ELP6: variants seen among roughly 807,000 people sequenced by gnomAD.
ELP6 encodes the protein elongator acetyltransferase complex subunit 6, also known as elongator complex protein 6.
In ELP6, 23 loss-of-function variants were observed where a neutral mutation model predicts 28.1. The ratio of observed to expected loss-of-function variants is 0.82; its 90% confidence interval spans 0.59 to 1.16. The LOEUF (loss-of-function observed/expected upper bound fraction) is 1.16. Among genes scored for constraint, ELP6 ranks in the 50% most tolerant of loss-of-function variants. The pLI, the probability that ELP6 is intolerant of heterozygous loss-of-function variation, is 0.00. For synonymous variants in ELP6, 132 were observed against 135.8 expected (o/e 0.97, Z 0.19); for missense variants, 313 against 334.6 (o/e 0.94, Z 0.50).
chr3:47,511,208 A>G lies in ELP6; in HGVS notation c.73T>C (p.Cys25Arg), dbSNP rs201970071. 1 of 1,614,164 alleles carries G rather than the reference A, an allele frequency of 6.2e-7. No individual in the cohort carries two copies. The highest frequency in any genetic ancestry group is 2.2e-5 in the East Asian group (1 of 44,884). The change falls in exon 2 of 7, where the codon TGT becomes CGT. Residue 25 changes from cysteine to arginine, a missense_variant. By Grantham distance (180) the Cys-to-Arg change is radical. Transcript: ENST00000296149. Reference sequence around the variant, plus strand: ...AAACTCCCATCTGTCTTGGCATCACAGAGTAGAGTCAGTTTCCCCTAAAAG... The same window carrying G: ...AAACTCCCATCTGTCTTGGCATCACGGAGTAGAGTCAGTTTCCCCTAAAAG... ...RAEQGKLTLL[C>R]DAKTDGSFLV...
At chr3:47,501,461 T>G in intron 5 of ELP6, 189 bp downstream of exon 5, 1 of 607,164 alleles carries the variant, frequency 1.6e-6, no homozygotes, top group Non-Finnish European at 2.9e-6. Flanking sequence ...TCCCTTTATT[T>G]TGGGGGGCTT....
rs530924142 is a variant in ELP6, at chr3:47,505,409, C to CT, written c.205-962dup. 1.2e-4 allele frequency among the ~76,000 whole-genome samples: 18 copies of CT among 151,708 alleles called. No individual in the cohort carries two copies. In the East Asian group the frequency reaches 3.1e-3, roughly 26 times the overall value. ...TTGTCACTGACTTGAAGCTCAATAA[C>CT]TTTTTTTGTTTTTGAGACAGTCTCT... On this transcript the variant is annotated intron_variant, in intron 3 of 6. Coordinates refer to ENST00000296149, the MANE Select transcript of ELP6 (RefSeq NM_001031703.3).
intron 1 of ELP6, chr3:47,512,151 T>A (rs1430020891): frequency 1.3e-5 from 11 of 836,584 alleles, no homozygotes; most frequent in Non-Finnish European, 1.6e-5. Context: ...AAAGCTACAA[T>A]TTGGCGCTAT....
chr3:47,502,044 C>G (rs928949525), intron 4 of ELP6, among the ~76,000 whole-genome samples, 193 bp from the exon 5 acceptor site: 1 of 152,042 alleles, frequency 6.6e-6, no homozygotes, highest in Non-Finnish European at 1.5e-5. Context: ...TTTCCTGAGG[C>G]CTACTAGGTA....
chr3:47,512,806 G>A, intron 1 of ELP6: 2 of 943,188 alleles, frequency 2.1e-6, no homozygotes, highest in Non-Finnish European at 2.5e-6. Flanking sequence ...GCTCCGGGGC[G>A]AGGTGGCGGT....
chr3:47,503,173 A>G (rs1429964555), intron 4 of ELP6: 1 of 1,151,678 alleles, frequency 8.7e-7, no homozygotes, highest in Admixed American at 4.2e-5. Context: ...GGAAACCCCA[A>G]GTCAGAGATG....
At chr3:47,505,412 T>C (rs972371949) in intron 3 of ELP6, among the ~76,000 whole-genome samples, 1 of 152,130 alleles carries the variant, frequency 6.6e-6, no homozygotes, top group Non-Finnish European at 1.5e-5. Flanking sequence ...TCAATAACTT[T>C]TTTTGTTTTT....
intron 2 of ELP6, 66 bp downstream of exon 2, chr3:47,511,082 T>A (rs1170586474): frequency 7.3e-7 from 1 of 1,368,216 alleles, no homozygotes; most frequent in African/African-American, 1.4e-5. Flanking sequence ...CCTTAAATAG[T>A]TTTGGTTTTT....
intron 3 of ELP6, among the ~76,000 whole-genome samples, chr3:47,506,242 C>A (rs1311398324): frequency 2.0e-5 from 3 of 152,156 alleles, no homozygotes; most frequent in Non-Finnish European, 4.4e-5. Context: ...CAAATGGAGG[C>A]AGGGCGAGAT....
At chr3:47,510,950 C>G (rs1174170089) in intron 2 of ELP6, among the ~76,000 whole-genome samples, 198 bp downstream of exon 2, 1 of 152,172 alleles carries the variant, frequency 6.6e-6, no homozygotes, top group Admixed American at 6.6e-5. Flanking sequence ...ACAGTGAGCA[C>G]ATGCCACTCT....
At chr3:47,501,612 G>GTCA in intron 5 of ELP6, 38 bp downstream of exon 5, 1 of 1,597,720 alleles carries the variant, frequency 6.3e-7, no homozygotes. Context: ...GTTCTTGGAG[G>GTCA]TCACAGGTGG....
intron 6 of ELP6, chr3:47,496,630 G>A: frequency 4.8e-6 from 3 of 624,320 alleles, no homozygotes; most frequent in Non-Finnish European, 6.0e-6. Context: ...CAAGTAGCTG[G>A]ATTATGGGTG....
intron 2 of ELP6, 149 bp from the exon 3 acceptor site, chr3:47,510,403 T>A (rs1422210359): frequency 6.4e-6 from 4 of 620,176 alleles, no homozygotes; most frequent in Non-Finnish European, 1.1e-5. Context: ...TAAGATGTAC[T>A]TTTTTTCTTA....
At chr3:47,511,375 G>T (rs1024165342) in intron 1 of ELP6, 149 bp from the exon 2 acceptor site, 22 of 1,405,180 alleles carry the variant, frequency 1.6e-5, no homozygotes, top group African/African-American at 5.8e-5. Flanking sequence ...ACCCTGAAAT[G>T]ATGAAAATAA....
chr3:47,511,902 T>C, intron 1 of ELP6: 1 of 985,476 alleles, frequency 1.0e-6, no homozygotes, highest in Non-Finnish European at 1.2e-6. Context: ...CCGTGTGACC[T>C]TCCACAAATG....
Position 47,513,566 on chromosome 3 carries a change from G to C in ELP6, c.25C>G (p.Leu9Val), listed in dbSNP as rs2029992155. The C allele has an allele frequency of 1.2e-6, 2 of 1,613,030 alleles. No homozygotes were observed. Among genetic ancestry groups the C allele is most frequent in the African/African-American group, 1.3e-5 (1 of 74,896 alleles). Residue 9 changes from leucine (L) to valine (V), a missense_variant, in exon 1 of 7, where the codon CTT becomes GTT. Leu to Val is a conservative substitution (Grantham distance 32). Coordinates refer to ENST00000296149, the MANE Select transcript of ELP6 (RefSeq NM_001031703.3). MFVELNNL[L>V]NTTPDRAEQG... ...TCCGCCCTGTCGGGGGTGGTGTTAA[G>C]CAGGTTATTAAGTTCCACGAACATT...
chr3:47,497,990 A>G (rs2108071401), intron 6 of ELP6: 1 of 985,122 alleles, frequency 1.0e-6, no homozygotes, highest in Admixed American at 6.2e-5. Context: ...CTGCGGAGGA[A>G]TTTTGCTGTT....
intron 1 of ELP6, chr3:47,512,707 T>G: frequency 1.0e-6 from 1 of 985,154 alleles, no homozygotes; most frequent in Middle Eastern, 5.2e-4. Context: ...CCAAGCCAAT[T>G]TGGCTCTGTC....
At chr3:47,511,577 C>G (rs764021823) in intron 1 of ELP6, 6 of 793,470 alleles carry the variant, frequency 7.6e-6, no homozygotes, top group Non-Finnish European at 9.2e-6. Context: ...CTTTTACCAT[C>G]AGACTCCAGT....
Sources: gnomAD v4.1 joint callset for allele counts (sites outside exome capture counted in the v4.1 genomes callset) on GRCh38, gnomAD v4.1.1 for gene constraint, MANE v1.5 for transcripts, NCBI Gene and HGNC (gene_info 2026-07-23, HGNC 2026-07-21) for gene names.